The following ACO2 variants were observed in gnomAD, a reference collection of about 807,000 sequenced individuals.
The protein encoded by ACO2 is aconitase 2.
A neutral mutation model predicts 84.5 loss-of-function variants in ACO2; 31 were observed. The ratio of observed to expected loss-of-function variants is 0.37; its 90% CI spans 0.28 to 0.50. The LOEUF (loss-of-function observed/expected upper bound fraction) is 0.50, where lower values mean the gene tolerates loss of function less well. ACO2 is among the 20% of genes least tolerant of loss of function. The pLI is 0.97. For synonymous variants in ACO2, 414 were observed against 412.7 expected (o/e 1.00, Z -0.04); for missense variants, 685 against 1,029.3 (o/e 0.67, Z 4.58).
At position 41,528,887 on chromosome 22, in the gene ACO2, G is replaced by A; in HGVS notation, c.*274G>A. ...TTTGATGACAAGACTCCCATCTAAAGTTTTTCTCCTGCCTGATCATTTCAT... is the reference window on the plus strand; with the variant it reads ...TTTGATGACAAGACTCCCATCTAAAATTTTTCTCCTGCCTGATCATTTCAT... On this transcript the variant is annotated 3_prime_UTR_variant, in exon 18 of 18. Coordinates refer to ENST00000216254, the MANE Select transcript of ACO2 (RefSeq NM_001098.3). 5.7e-6 allele frequency: 3 copies of A among 527,752 alleles called. No homozygotes were observed. Among genetic ancestry groups the A allele is most frequent in the Non-Finnish European group, 6.7e-6 (2 of 299,708 alleles). The allele number at this position is 527,752 out of a possible 1,614,324, so 32.7% of individuals were successfully genotyped here. A position where few individuals can be genotyped will look rare whatever the true frequency, so the allele number is the denominator to read the frequency against.
intron 1 of ACO2, among the ~76,000 whole-genome samples, chr22:41,484,555 T>A (rs1289916681): frequency 1.3e-5 from 2 of 152,148 alleles, no homozygotes; most frequent in Non-Finnish European, 2.9e-5. Context: ...ATTTTTTTTT[T>A]AAATAGAGAC....
At chr22:41,496,585 T>G (rs1340715833) in intron 1 of ACO2, among the ~76,000 whole-genome samples, 1 of 152,220 alleles carries the variant, frequency 6.6e-6, no homozygotes, top group Non-Finnish European at 1.5e-5. Flanking sequence ...CCCCATGCAC[T>G]GGGCTCCTCC....
At chr22:41,528,101 A>G (rs2066642678) in intron 17 of ACO2, 79 bp downstream of exon 17, 1 of 1,590,218 alleles carries the variant, frequency 6.3e-7, no homozygotes, top group Admixed American at 1.7e-5. Context: ...GCCCCAGGGT[A>G]GCTTCTCCCA....
intron 14 of ACO2, chr22:41,525,971 A>T: frequency 3.0e-6 from 1 of 334,120 alleles, no homozygotes; most frequent in Non-Finnish European, 5.5e-6. Flanking sequence ...CTTGCAGCTG[A>T]GGCCTGAAGG....
chr22:41,482,605 G>A (rs1453100870), intron 1 of ACO2, among the ~76,000 whole-genome samples: 2 of 152,242 alleles, frequency 1.3e-5, no homozygotes, highest in Non-Finnish European at 2.9e-5. Flanking sequence ...GCTTAGGATG[G>A]AGAAGACATA....
rs964952899 is a variant in ACO2, at chr22:41,527,772, T to C, written c.2087-129T>C. ...TGAAAGGGAGCAGACCAGGGCCCCA[T>C]AGTCACTGCCCGGGCATTGTCCCAG... On this transcript the variant is annotated intron_variant, in intron 16 of 17. Coordinates refer to ENST00000216254, the MANE Select transcript of ACO2 (RefSeq NM_001098.3). 22 of 1,482,200 alleles carry C rather than the reference T, an allele frequency of 1.5e-5. No homozygotes were observed. In the African/African-American group the frequency reaches 1.9e-4, roughly 13 times the overall value. 91.8% of individuals were successfully genotyped at this position (1,482,200 alleles called of 1,614,324 possible). A position where few individuals can be genotyped will look rare whatever the true frequency, so the allele number is the denominator to read the frequency against.
intron 1 of ACO2, among the ~76,000 whole-genome samples, chr22:41,491,082 T>C (rs1448502058): frequency 1.3e-5 from 2 of 151,844 alleles, no homozygotes; most frequent in African/African-American, 4.8e-5. Context: ...TGAAATGTAT[T>C]TGGAGTTTGA....
chr22:41,472,651 A>C (rs532265288), intron 1 of ACO2, among the ~76,000 whole-genome samples: 1 of 152,084 alleles, frequency 6.6e-6, no homozygotes, highest in African/African-American at 2.4e-5. Flanking sequence ...GGGTCTCGCT[A>C]TGTTGCCCAG....
intron 1 of ACO2, among the ~76,000 whole-genome samples, chr22:41,473,737 T>G (rs1187781873): frequency 6.6e-6 from 1 of 151,966 alleles, no homozygotes; most frequent in Non-Finnish European, 1.5e-5. Context: ...GTAGAAGAGG[T>G]GACATCTGAA....
At chr22:41,471,186 C>T (rs1212308707) in intron 1 of ACO2, among the ~76,000 whole-genome samples, 1 of 152,192 alleles carries the variant, frequency 6.6e-6, no homozygotes, top group Non-Finnish European at 1.5e-5. Context: ...AATGAGTTTA[C>T]AACCATCACG....
At chr22:41,525,434 G>C (rs1475843706) in intron 14 of ACO2, 86 bp downstream of exon 14, 6 of 1,537,168 alleles carry the variant, frequency 3.9e-6, no homozygotes, top group Non-Finnish European at 5.3e-6. Context: ...GAACCTGGAG[G>C]AAGTGAGCAC....
intron 8 of ACO2, among the ~76,000 whole-genome samples, chr22:41,519,432 C>T (rs1239547922): frequency 6.6e-6 from 1 of 152,234 alleles, no homozygotes; most frequent in Non-Finnish European, 1.5e-5. Flanking sequence ...TTACTGCATG[C>T]TGCGCACATA....
Position 41,523,210 on chromosome 22 carries a change from G to A in ACO2, c.1302G>A (p.Gln434=), listed in dbSNP as rs2146135390. 1 of 1,612,352 alleles carries A rather than the reference G, an allele frequency of 6.2e-7. No homozygotes were observed. The highest frequency in any genetic ancestry group is 8.5e-7 in the Non-Finnish European group (1 of 1,179,134). Residue 434 remains glutamine, a synonymous_variant, in exon 11 of 18, where the codon CAG becomes CAA. Transcript: ENST00000216254. ...RATIERDGYA[Q]ILRDLGGIVL... ...TCTTCCTCTCTCCCTGGCAGGCACA[G>A]ATCTTGAGGGATCTGGGTGGCATTG...
chr22:41,516,329 C>T (rs1023046598), intron 6 of ACO2, among the ~76,000 whole-genome samples: 34 of 152,244 alleles, frequency 2.2e-4, no homozygotes, highest in African/African-American at 7.7e-4. Flanking sequence ...ATCCTCCCTT[C>T]GCTGAAGTTC....
At chr22:41,523,327 G>C in intron 11 of ACO2, 49 bp downstream of exon 11, 1 of 1,436,592 alleles carries the variant, frequency 7.0e-7, no homozygotes, top group South Asian at 1.2e-5. Context: ...ACAGGGTACA[G>C]AGCCCCAGAA....
At chr22:41,519,182 G>A (rs112987967) in intron 8 of ACO2, among the ~76,000 whole-genome samples, 7 of 152,288 alleles carry the variant, frequency 4.6e-5, no homozygotes, top group African/African-American at 1.4e-4. Flanking sequence ...GAGTTCAGAG[G>A]GCAAATCCCA....
intron 1 of ACO2, among the ~76,000 whole-genome samples, chr22:41,497,178 C>T (rs2066320265): frequency 2.0e-5 from 3 of 152,050 alleles, no homozygotes; most frequent in African/African-American, 4.8e-5. Context: ...AAGCAATTCT[C>T]CTGCCTCAGC....
At position 41,519,360 on chromosome 22, in the gene ACO2, G is replaced by T. The variant is rs112155811; in HGVS notation, c.1032+788G>T. 9.2e-5 allele frequency among the ~76,000 whole-genome samples: 14 copies of T among 152,292 alleles called. 2 individuals carry two copies. The highest frequency in any genetic ancestry group is 3.1e-4 in the African/African-American group (13 of 41,548). The stretch of plus-strand genomic sequence containing the variant: ...CTCTGTAGGCCCCTTGCTCCATCAC[G>T]TGTGGAACCTACAGCAGTCGTGAGG... On this transcript the variant is annotated intron_variant, in intron 8 of 17. Transcript: ENST00000216254.
chr22:41,524,118 G>A (rs1193479813), intron 12 of ACO2, among the ~76,000 whole-genome samples, 177 bp downstream of exon 12: 2 of 152,164 alleles, frequency 1.3e-5, no homozygotes, highest in African/African-American at 4.8e-5. Flanking sequence ...CCTGGGTCAT[G>A]GGATTATGAG....
Sources: allele counts gnomAD v4.1 joint callset (sites outside exome capture counted in the v4.1 genomes callset), GRCh38; gene constraint gnomAD v4.1.1; transcripts MANE v1.5; gene names NCBI Gene and HGNC (gene_info 2026-07-23, HGNC 2026-07-21).